Variants in DPP6 observed in about 807,000 individuals in gnomAD.
The protein encoded by DPP6 is A-type potassium channel modulatory protein DPP6.
In DPP6, 69 loss-of-function variants were observed where a neutral mutation model predicts 122.6. The ratio of observed to expected loss-of-function variants is 0.56; its 90% CI spans 0.46 to 0.69. DPP6 has a LOEUF of 0.69. Among genes scored for constraint, DPP6 ranks in the 30% least tolerant of loss-of-function variants. The pLI, the probability that DPP6 is intolerant of heterozygous loss-of-function variation, is 0.00. For missense variants in DPP6, 928 were observed against 1,116.9 expected (o/e 0.83, Z 2.41); for synonymous variants, 418 against 433.1 (o/e 0.97, Z 0.43).
At chr7:154,338,710 C>T (rs936203665) in intron 1 of DPP6, among the ~76,000 whole-genome samples, 1 of 152,174 alleles carries the variant, frequency 6.6e-6, no homozygotes, top group Non-Finnish European at 1.5e-5. Context: ...AATGTCTGGG[C>T]CTTTTCTAAA....
intron 1 of DPP6, among the ~76,000 whole-genome samples, chr7:154,157,204 T>C (rs1446074794): frequency 6.6e-6 from 1 of 152,268 alleles, no homozygotes; most frequent in African/African-American, 2.4e-5. Flanking sequence ...CACATCCTTA[T>C]CTAAAATTTC....
chr7:154,852,939 A>T (rs1039980151), intron 16 of DPP6, among the ~76,000 whole-genome samples: 3 of 152,198 alleles, frequency 2.0e-5, no homozygotes, highest in Non-Finnish European at 4.4e-5. Flanking sequence ...CATTTCAGGC[A>T]GTGAGAACAA....
intron 5 of DPP6, among the ~76,000 whole-genome samples, chr7:154,612,574 C>G (rs1466476422): frequency 6.6e-6 from 1 of 152,082 alleles, no homozygotes; most frequent in Admixed American, 6.5e-5. Flanking sequence ...GGGTTTATTC[C>G]AGTTTTGGGC....
intron 1 of DPP6, among the ~76,000 whole-genome samples, chr7:154,314,189 A>G (rs752973778): frequency 1.2e-4 from 18 of 152,210 alleles, no homozygotes; most frequent in Non-Finnish European, 2.4e-4. Flanking sequence ...CTGCTAGCTG[A>G]GGGATATTGG....
At chr7:154,233,265 C>G (rs950392451) in intron 1 of DPP6, among the ~76,000 whole-genome samples, 1 of 152,178 alleles carries the variant, frequency 6.6e-6, no homozygotes, top group Non-Finnish European at 1.5e-5. Flanking sequence ...AGGGAAGGGA[C>G]TTCTGCAAGC....
At chr7:153,857,676 A>G in the DPP6 span, among the ~76,000 whole-genome samples, 4 of 152,234 alleles carry the variant, frequency 2.6e-5, no homozygotes, top group African/African-American at 9.6e-5. Flanking sequence ...TGCAAAATAG[A>G]TATTATATCT....
intron 1 of DPP6, among the ~76,000 whole-genome samples, chr7:154,082,118 A>G (rs1197367195): frequency 6.6e-6 from 1 of 152,182 alleles, no homozygotes; most frequent in East Asian, 1.9e-4. Flanking sequence ...TCCATCGTCT[A>G]CGGGAGATGG....
intron 2 of DPP6, among the ~76,000 whole-genome samples, chr7:154,466,123 C>T (rs1203189207): frequency 1.3e-5 from 2 of 151,640 alleles, no homozygotes; most frequent in African/African-American, 4.8e-5. Flanking sequence ...ACAAATACTG[C>T]ATGTTCTCAC....
chr7:153,760,902 A>G, the DPP6 span, among the ~76,000 whole-genome samples: 1 of 152,004 alleles, frequency 6.6e-6, no homozygotes, highest in Non-Finnish European at 1.5e-5. Context: ...CAGATCTCCA[A>G]AGCTCTCTTT....
At chr7:154,194,384 G>A (rs980886630) in intron 1 of DPP6, among the ~76,000 whole-genome samples, 6 of 152,180 alleles carry the variant, frequency 3.9e-5, no homozygotes, top group African/African-American at 1.4e-4. Flanking sequence ...GTTTTATTGA[G>A]ATATTAATGG....
chr7:153,878,247 G>T, the DPP6 span, among the ~76,000 whole-genome samples: 1 of 151,966 alleles, frequency 6.6e-6, no homozygotes, highest in Non-Finnish European at 1.5e-5. Flanking sequence ...ATCTACTAAG[G>T]CTAAACATAT....
intron 1 of DPP6, among the ~76,000 whole-genome samples, chr7:154,168,855 T>A (rs1797387506): frequency 1.3e-5 from 2 of 152,224 alleles, no homozygotes; most frequent in East Asian, 3.9e-4. Flanking sequence ...ATCTCAACAC[T>A]GCTCAATGAA....
At chr7:154,404,053 A>G (rs1304265245) in intron 1 of DPP6, among the ~76,000 whole-genome samples, 1 of 152,218 alleles carries the variant, frequency 6.6e-6, no homozygotes, top group Non-Finnish European at 1.5e-5. Flanking sequence ...CCCAGAGATT[A>G]GCTCATTATA....
Position 154,621,141 on chromosome 7 carries a change from C to T in DPP6, c.628-16680C>T, listed in dbSNP as rs151190331. Among the ~76,000 whole-genome samples the T allele has an allele frequency of 1.8e-3, 272 of 152,242 alleles. 2 individuals are homozygous for T. Among genetic ancestry groups the T allele is most frequent in the African/African-American group, 5.7e-3 (237 of 41,546 alleles). On this transcript the variant is annotated intron_variant, in intron 5 of 25. Transcript: ENST00000377770. The stretch of plus-strand genomic sequence containing the variant: ...TGAACCTGAATTTTAAAAATTATTT[C>T]CTCTCTGTTTCCTCCCTATCTGAGA...
intron 4 of DPP6, among the ~76,000 whole-genome samples, chr7:154,559,172 T>A (rs1830241993): frequency 1.4e-5 from 2 of 147,382 alleles, no homozygotes; most frequent in South Asian, 2.1e-4. Flanking sequence ...ATGAACATGA[T>A]GATAAGAGAA....
At chr7:154,731,919 A>G (rs1473224155) in intron 8 of DPP6, among the ~76,000 whole-genome samples, 1 of 152,236 alleles carries the variant, frequency 6.6e-6, no homozygotes, top group Non-Finnish European at 1.5e-5. Context: ...GTATGTAGGC[A>G]TATGGGCAAA....
chr7:154,260,769 A>G (rs1487558177), intron 1 of DPP6, among the ~76,000 whole-genome samples: 2 of 148,732 alleles, frequency 1.3e-5, no homozygotes, highest in African/African-American at 2.5e-5. Flanking sequence ...TATTCTTGCA[A>G]TTGTGAATTG....
At chr7:154,396,320 T>A (rs1370220322) in intron 1 of DPP6, among the ~76,000 whole-genome samples, 1 of 152,238 alleles carries the variant, frequency 6.6e-6, no homozygotes, top group East Asian at 1.9e-4. Flanking sequence ...CAGGAAATAG[T>A]GGGACTGTGA....
chr7:154,516,254 C>T (rs1030909717), intron 3 of DPP6, among the ~76,000 whole-genome samples: 1 of 137,134 alleles, frequency 7.3e-6, no homozygotes, highest in African/African-American at 2.8e-5. Flanking sequence ...AATACCTACT[C>T]CGAACTCTGC....
Sources: allele counts gnomAD v4.1 joint callset (sites outside exome capture counted in the v4.1 genomes callset), GRCh38; gene constraint gnomAD v4.1.1; transcripts MANE v1.5; gene names NCBI Gene and HGNC (gene_info 2026-07-23, HGNC 2026-07-21).